CEP63: variants seen among roughly 807,000 people sequenced by gnomAD.
CEP63 encodes the protein centrosomal protein of 63 kDa.
CEP63 carries 84 observed loss-of-function variants against 89.1 expected under a neutral mutation model. The observed-to-expected ratio is 0.94, with a 90% confidence interval of 0.79 to 1.13. CEP63 has a LOEUF of 1.13. CEP63 is among the 50% of genes most tolerant of loss of function. The probability of loss-of-function intolerance (pLI) is 0.00; values close to 1 mark genes in which losing one functional copy is unlikely to be tolerated. For synonymous variants in CEP63, 267 were observed against 272.5 expected (o/e 0.98, Z 0.20); for missense variants, 838 against 813.3 (o/e 1.03, Z -0.37).
the CEP63 span, among the ~76,000 whole-genome samples, chr3:134,753,633 C>T: frequency 1.2e-4 from 18 of 152,240 alleles, no homozygotes; most frequent in Admixed American, 1.2e-3. Context: ...AAAACATACA[C>T]AGTCACATTC....
At chr3:134,581,902 C>G (rs1351864510) in intron 10 of CEP63, among the ~76,000 whole-genome samples, 5 of 151,652 alleles carry the variant, frequency 3.3e-5, no homozygotes, top group Non-Finnish European at 7.4e-5. Flanking sequence ...GTCTCGATCT[C>G]CTGACCTCGT....
the CEP63 span, among the ~76,000 whole-genome samples, chr3:134,679,328 T>G: frequency 6.6e-6 from 1 of 152,126 alleles, no homozygotes; most frequent in Non-Finnish European, 1.5e-5. Flanking sequence ...TGGACCCAGG[T>G]TCGTCCACTT....
At chr3:134,684,258 C>T in the CEP63 span, among the ~76,000 whole-genome samples, 1 of 152,166 alleles carries the variant, frequency 6.6e-6, no homozygotes, top group Non-Finnish European at 1.5e-5. Context: ...TGTATGGTTC[C>T]AACTGCAGGG....
At chr3:134,690,834 C>T in the CEP63 span, among the ~76,000 whole-genome samples, 1 of 150,064 alleles carries the variant, frequency 6.7e-6, no homozygotes, top group Admixed American at 6.6e-5. Context: ...CTGCAACCTC[C>T]ACCTCCTGGG....
chr3:134,718,194 G>C, the CEP63 span, among the ~76,000 whole-genome samples: 1 of 152,094 alleles, frequency 6.6e-6, no homozygotes, highest in Admixed American at 6.6e-5. Flanking sequence ...AATCAGTTTT[G>C]GGAGTTTTGA....
At chr3:134,513,587 A>G (rs1336352627) in intron 3 of CEP63, among the ~76,000 whole-genome samples, 1 of 150,346 alleles carries the variant, frequency 6.7e-6, no homozygotes, top group Non-Finnish European at 1.5e-5. Flanking sequence ...GTTTGGGGCC[A>G]TTATTAACTG....
chr3:134,594,831 G>A, the CEP63 span, among the ~76,000 whole-genome samples: 2 of 152,332 alleles, frequency 1.3e-5, no homozygotes, highest in Non-Finnish European at 2.9e-5. Flanking sequence ...TTTAATCATG[G>A]AGATAAAAGA....
chr3:134,688,304 G>A, the CEP63 span, among the ~76,000 whole-genome samples: 7 of 152,306 alleles, frequency 4.6e-5, no homozygotes, highest in East Asian at 7.7e-4. Context: ...TATATTGTAC[G>A]ATTCCATCTA....
the CEP63 span, among the ~76,000 whole-genome samples, chr3:134,764,609 A>C: frequency 2.6e-5 from 4 of 152,174 alleles, no homozygotes; most frequent in Non-Finnish European, 5.9e-5. Context: ...CTGCCGGTGA[A>C]TTGACACCTT....
chr3:134,515,446 G>A (rs552343741), intron 3 of CEP63, among the ~76,000 whole-genome samples: 1 of 152,120 alleles, frequency 6.6e-6, no homozygotes, highest in East Asian at 1.9e-4. Context: ...TAAAAACATT[G>A]AAATTAAAAG....
chr3:134,755,710 TC>T, the CEP63 span: 5 of 152,260 alleles, frequency 3.3e-5, no homozygotes, highest in East Asian at 9.7e-4. Context: ...ACTTGGTAAG[TC>T]CCCTGCGTAG....
intron 10 of CEP63, among the ~76,000 whole-genome samples, chr3:134,582,360 T>C (rs545185911): frequency 1.3e-5 from 2 of 151,704 alleles, no homozygotes; most frequent in African/African-American, 4.8e-5. Flanking sequence ...CCCCAGTGTG[T>C]GATGTTCCCC....
intron 5 of CEP63, among the ~76,000 whole-genome samples, chr3:134,535,070 T>G (rs1168684695): frequency 2.0e-5 from 3 of 152,188 alleles, no homozygotes; most frequent in Non-Finnish European, 4.4e-5. Flanking sequence ...CTACTGGATA[T>G]TTTTTACCAG....
chr3:134,696,863 T>C, the CEP63 span, among the ~76,000 whole-genome samples: 5 of 152,364 alleles, frequency 3.3e-5, no homozygotes, highest in Middle Eastern at 3.4e-3. Flanking sequence ...CATTATTGCA[T>C]AATAAATGCT....
At chr3:134,610,303 T>C in the CEP63 span, 1 of 1,613,022 alleles carries the variant, frequency 6.2e-7, no homozygotes, top group Non-Finnish European at 8.5e-7. Flanking sequence ...ATGGTCAAAC[T>C]CCCCCGAGAA....
chr3:134,675,273 A>C, the CEP63 span, among the ~76,000 whole-genome samples: 2 of 152,230 alleles, frequency 1.3e-5, no homozygotes, highest in African/African-American at 4.8e-5. Flanking sequence ...GTGTCAAGAC[A>C]AACAGGGAAA....
At chr3:134,759,468 A>G in the CEP63 span, among the ~76,000 whole-genome samples, 1 of 152,212 alleles carries the variant, frequency 6.6e-6, no homozygotes, top group African/African-American at 2.4e-5. Context: ...CATCCCAATA[A>G]TGGGTAATTC....
At chr3:134,701,273 C>T in the CEP63 span, among the ~76,000 whole-genome samples, 7 of 35,268 alleles carry the variant, frequency 2.0e-4, no homozygotes, top group African/African-American at 1.1e-3. Flanking sequence ...TATACATATA[C>T]ACACATATAT....
chr3:134,537,050 A>G (rs1950900389), intron 5 of CEP63, 105 bp from the exon 6 acceptor site: 2 of 780,582 alleles, frequency 2.6e-6, no homozygotes, highest in South Asian at 1.4e-5. Context: ...GAAAGGTGCA[A>G]GCGTACCCAG....
Sources: allele counts gnomAD v4.1 joint callset (sites outside exome capture counted in the v4.1 genomes callset), GRCh38; gene constraint gnomAD v4.1.1; transcripts MANE v1.5; gene names NCBI Gene and HGNC (gene_info 2026-07-23, HGNC 2026-07-21).